C12orf42: variants seen among roughly 807,000 people sequenced by gnomAD.
The protein encoded by C12orf42 is chromosome 12 open reading frame 42.
C12orf42 carries 25 observed loss-of-function variants against 21.6 expected under a neutral mutation model. The ratio of observed to expected loss-of-function variants is 1.16; its 90% CI spans 0.84 to 1.62. C12orf42 has a LOEUF of 1.62. C12orf42 is among the 40% of genes most tolerant of loss of function. The pLI, the probability that C12orf42 is intolerant of heterozygous loss-of-function variation, is 0.00. For missense variants in C12orf42, 483 were observed against 459.3 expected (o/e 1.05, Z -0.47); for synonymous variants, 174 against 175.0 (o/e 0.99, Z 0.05).
chr12:103,377,695 C>A (rs750346447), intron 3 of C12orf42, among the ~76,000 whole-genome samples: 8 of 152,130 alleles, frequency 5.3e-5, no homozygotes, highest in Non-Finnish European at 1.2e-4. Flanking sequence ...AACTCTGCAT[C>A]CAGCCCCTCA....
the C12orf42 span, among the ~76,000 whole-genome samples, chr12:103,536,928 A>T: frequency 2.8e-4 from 42 of 151,936 alleles, no homozygotes; most frequent in African/African-American, 9.7e-4. Flanking sequence ...CTAACATGCT[A>T]TAGTGTCTAC....
intron 4 of C12orf42, among the ~76,000 whole-genome samples, chr12:103,292,818 C>A (rs761442882): frequency 2.0e-5 from 3 of 152,018 alleles, no homozygotes; most frequent in Non-Finnish European, 4.4e-5. Context: ...CCTAAATAGT[C>A]TATTAAAAAG....
At chr12:103,287,708 TAAAAA>T (rs1213203462) in intron 4 of C12orf42, among the ~76,000 whole-genome samples, 11 of 111,348 alleles carry the variant, frequency 9.9e-5, no homozygotes, top group African/African-American at 3.6e-4. Flanking sequence ...AGTATAATAA[TAAAAA>T]AAAAAAACAA....
the C12orf42 span, among the ~76,000 whole-genome samples, chr12:103,091,754 A>G: frequency 1.3e-5 from 2 of 152,176 alleles, no homozygotes; most frequent in Non-Finnish European, 2.9e-5. Flanking sequence ...GCTTTTAGAA[A>G]CGCATTAAAC....
intron 2 of C12orf42, among the ~76,000 whole-genome samples, chr12:103,438,329 C>T (rs993720748): frequency 6.6e-6 from 1 of 152,196 alleles, no homozygotes; most frequent in Non-Finnish European, 1.5e-5. Context: ...TGGAAGCATT[C>T]CCTTTGAAAA....
At chr12:103,556,804 A>T in the C12orf42 span, among the ~76,000 whole-genome samples, 1 of 152,126 alleles carries the variant, frequency 6.6e-6, no homozygotes. Flanking sequence ...TTAAGATGAG[A>T]TCATCCTTGA....
At chr12:103,117,298 G>A in the C12orf42 span, among the ~76,000 whole-genome samples, 64 of 152,204 alleles carry the variant, frequency 4.2e-4, no homozygotes, top group Admixed American at 3.4e-3. Flanking sequence ...GAGAATGTGC[G>A]GTTTTTAACA....
At chr12:103,368,604 T>C (rs2044856536) in intron 4 of C12orf42, among the ~76,000 whole-genome samples, 1 of 152,112 alleles carries the variant, frequency 6.6e-6, no homozygotes, top group Non-Finnish European at 1.5e-5. Flanking sequence ...GGGCATGTTA[T>C]TGCTATCCTT....
At chr12:103,168,367 A>G in the C12orf42 span, 1 of 260,684 alleles carries the variant, frequency 3.8e-6, no homozygotes, top group Non-Finnish European at 7.6e-6. Flanking sequence ...TATCTTAGAT[A>G]TTACCTAGTT....
At chr12:103,201,631 T>C in the C12orf42 span, among the ~76,000 whole-genome samples, 1 of 152,220 alleles carries the variant, frequency 6.6e-6, no homozygotes, top group African/African-American at 2.4e-5. Flanking sequence ...ACTCCTCACG[T>C]AGTTGTAAGA....
chr12:103,431,202 C>T (rs1243028231), intron 2 of C12orf42: 1 of 152,102 alleles, frequency 6.6e-6, no homozygotes, highest in Non-Finnish European at 1.5e-5. Context: ...GATAATCTTC[C>T]AAATGCTCAC....
chr12:103,282,865 C>T (rs1201233290), intron 4 of C12orf42, among the ~76,000 whole-genome samples: 1 of 152,136 alleles, frequency 6.6e-6, no homozygotes, highest in Non-Finnish European at 1.5e-5. Flanking sequence ...TGAAAACCTT[C>T]GAATTTTTCA....
chr12:103,271,156 T>C (rs975310923), intron 5 of C12orf42, among the ~76,000 whole-genome samples: 1 of 152,132 alleles, frequency 6.6e-6, no homozygotes, highest in Non-Finnish European at 1.5e-5. Context: ...AAGTGGGGCA[T>C]GGGAGGCCTC....
At chr12:103,375,352 A>C (rs890098180) in intron 3 of C12orf42, among the ~76,000 whole-genome samples, 4 of 152,214 alleles carry the variant, frequency 2.6e-5, no homozygotes, top group African/African-American at 9.6e-5. Flanking sequence ...ATAATTTATC[A>C]GAAATGTATC....
chr12:103,048,001 G>C, the C12orf42 span, among the ~76,000 whole-genome samples: 1 of 151,790 alleles, frequency 6.6e-6, no homozygotes, highest in African/African-American at 2.4e-5. Context: ...TTACCAGGAG[G>C]AGCTATAAAG....
the C12orf42 span, among the ~76,000 whole-genome samples, chr12:103,133,857 A>G: frequency 2.0e-4 from 31 of 152,202 alleles, no homozygotes; most frequent in Admixed American, 2.0e-3. Context: ...TGGTTTTATA[A>G]GGGGCTTCCC....
At chr12:103,398,228 ATC>A (rs986587098) in intron 3 of C12orf42, among the ~76,000 whole-genome samples, 7 of 152,194 alleles carry the variant, frequency 4.6e-5, no homozygotes, top group African/African-American at 1.7e-4. Flanking sequence ...GTATGAAATC[ATC>A]TTTCATTACA....
At chr12:103,345,775 G>T (rs1593532229) in intron 4 of C12orf42, among the ~76,000 whole-genome samples, 1 of 152,104 alleles carries the variant, frequency 6.6e-6, no homozygotes, top group East Asian at 1.9e-4. Context: ...GTATAATATT[G>T]TTGAGCCATG....
chr12:103,269,622 T>C (rs1009558974), intron 6 of C12orf42, among the ~76,000 whole-genome samples: 2 of 152,140 alleles, frequency 1.3e-5, no homozygotes, highest in Non-Finnish European at 2.9e-5. Context: ...ATTTATCAAA[T>C]TCAACAAGAA....
Sources: gnomAD v4.1 joint callset for allele counts (sites outside exome capture counted in the v4.1 genomes callset) on GRCh38, gnomAD v4.1.1 for gene constraint, MANE v1.5 for transcripts, NCBI Gene and HGNC (gene_info 2026-07-23, HGNC 2026-07-21) for gene names.